DNAH8: variants seen among roughly 807,000 people sequenced by gnomAD.
The protein encoded by DNAH8 is dynein axonemal heavy chain 8.
DNAH8 carries 382 observed loss-of-function variants against 562.1 expected under a neutral mutation model. That is an observed-to-expected ratio of 0.68 (90% CI 0.63 to 0.74). The LOEUF (loss-of-function observed/expected upper bound fraction) is 0.74, where lower values mean the gene tolerates loss of function less well. DNAH8 is among the 30% of genes least tolerant of loss of function. The pLI is 0.00. For missense variants in DNAH8, 5,203 were observed against 5,620.4 expected (o/e 0.93, Z 2.37); for synonymous variants, 1,881 against 1,919.4 (o/e 0.98, Z 0.52).
intron 1 of DNAH8, among the ~76,000 whole-genome samples, chr6:38,718,910 T>C (rs745627104): frequency 5.9e-5 from 9 of 152,254 alleles, no homozygotes; most frequent in Non-Finnish European, 1.3e-4. Context: ...TTTTATAGTT[T>C]ACCTCTTTAC....
At chr6:38,975,090 T>C (rs1014744849) in intron 85 of DNAH8, among the ~76,000 whole-genome samples, 2 of 152,158 alleles carry the variant, frequency 1.3e-5, no homozygotes, top group Non-Finnish European at 2.9e-5. Context: ...GTGGTGATGT[T>C]GGAGGAGGAG....
At chr6:39,013,311 G>C (rs757866268) in intron 91 of DNAH8, among the ~76,000 whole-genome samples, 6 of 152,112 alleles carry the variant, frequency 3.9e-5, no homozygotes, top group Non-Finnish European at 8.8e-5. Flanking sequence ...ATTCCTTATG[G>C]TTCAGCAGCT....
rs34819199 is a variant in DNAH8, at chr6:38,984,470, G to GCACACACA, written c.13053+182_13053+189dup. Reference sequence around the variant, plus strand: ...TGCGCTTACACACACGCACACACATGCACACACACACACACACACACACAC... The same window carrying GCACACACA: ...TGCGCTTACACACACGCACACACATGCACACACACACACACACACACACACACACACAC... On this transcript the variant is annotated intron_variant, in intron 87 of 92. Transcript: ENST00000327475. 1.8e-4 allele frequency: 91 copies of GCACACACA among 507,106 alleles called. 1 individual carries two copies. The East Asian group carries it at 2.4e-3, about 14-fold the overall frequency. 31.4% of individuals were successfully genotyped at this position (507,106 alleles called of 1,614,324 possible). A position where few individuals can be genotyped will look rare whatever the true frequency, so the allele number is the denominator to read the frequency against.
At chr6:38,750,380 A>G (rs2127594918) in intron 8 of DNAH8, 96 bp from the exon 9 acceptor site, 3 of 635,504 alleles carry the variant, frequency 4.7e-6, no homozygotes, top group Non-Finnish European at 7.9e-6. Flanking sequence ...CCATTTTAGT[A>G]TATGTATGAT....
In DNAH8 at chr6:38,898,283, A is replaced by G. The variant is rs760841441; in HGVS notation, c.8966A>G (p.Glu2989Gly). Residue 2989 changes from glutamate to glycine, a missense_variant, in exon 61 of 93, where the codon GAA (glutamate) becomes GGA (glycine). Physicochemically the swap from Glu to Gly is moderately conservative, Grantham distance 98. Around this residue, in one of 6 missense-constraint regions of DNAH8, gnomAD observed 977 missense variants for 1,061.8 expected, o/e 0.92. Coordinates refer to ENST00000327475, the MANE Select transcript of DNAH8 (RefSeq NM_001206927.2). The stretch of plus-strand genomic sequence containing the variant: ...ATGCCATCCTTTGACTTTCTGGCTG[A>G]AAAACTCCAGTTTTACCAGAGACAG... Reference protein sequence around the residue: ...ELMPSFDFLAEKLQFYQRQFN... With the variant: ...ELMPSFDFLAGKLQFYQRQFN... 2 of 1,591,476 alleles carry G rather than the reference A, an allele frequency of 1.3e-6. No homozygotes were observed. Among genetic ancestry groups the G allele is most frequent in the Non-Finnish European group, 1.7e-6 (2 of 1,173,124 alleles).
In DNAH8 at chr6:38,822,963, G is replaced by A; in HGVS notation, c.3649G>A (p.Ala1217Thr). ...SSSVNSLRKAAHEALQDFQKY... is the reference protein window; with the variant it reads ...SSSVNSLRKATHEALQDFQKY... Reference sequence around the variant, plus strand: ...CTCTGTAAATTCCCTAAGAAAGGCAGCTCATGAGGCCCTGCAGGACTTTCA... The same window carrying A: ...CTCTGTAAATTCCCTAAGAAAGGCAACTCATGAGGCCCTGCAGGACTTTCA... The change falls in exon 27 of 93, where the codon GCT becomes ACT. Residue 1217 changes from alanine (A) to threonine (T), a missense_variant. Physicochemically the swap from Ala to Thr is moderately conservative, Grantham distance 58. This residue lies in a region of DNAH8 where 2,176 missense variants were observed against 2,365.1 expected (regional missense o/e 0.92). Coordinates refer to ENST00000327475, the MANE Select transcript of DNAH8 (RefSeq NM_001206927.2). 6.2e-7 allele frequency: 1 copy of A among 1,613,478 alleles called. No homozygotes were observed. Among genetic ancestry groups the A allele is most frequent in the Admixed American group, 1.7e-5 (1 of 59,856 alleles).
chr6:38,966,811 T>C (rs1456816614), intron 82 of DNAH8, among the ~76,000 whole-genome samples: 1 of 152,218 alleles, frequency 6.6e-6, no homozygotes, highest in South Asian at 2.1e-4. Context: ...CTTATAAGCA[T>C]AGAAATTTAT....
intron 3 of DNAH8, among the ~76,000 whole-genome samples, chr6:38,724,450 A>C (rs1361692594): frequency 1.3e-5 from 2 of 152,224 alleles, no homozygotes; most frequent in African/African-American, 4.8e-5. Flanking sequence ...TGAACTACAT[A>C]TGCAAATCAC....
At chr6:38,835,113 C>T (rs968509366) in intron 32 of DNAH8, among the ~76,000 whole-genome samples, 7 of 152,138 alleles carry the variant, frequency 4.6e-5, no homozygotes, top group African/African-American at 7.2e-5. Context: ...TTTCTACACT[C>T]GGATTGCTGA....
rs1037416471 is a variant in DNAH8, at chr6:38,777,265, T to A, written c.1963-1123T>A. Among the ~76,000 whole-genome samples, 5 of 152,208 alleles carry A rather than the reference T, an allele frequency of 3.3e-5. 1 individual carries two copies. In the South Asian group the frequency reaches 1.0e-3, roughly 32 times the overall value. On this transcript the variant is annotated intron_variant, in intron 13 of 92. Transcript: ENST00000327475. ...TTAAATCTTTATGGCAATGGGAATT[T>A]TTGAAAAACTTGTTATCTCTTAAAT...
At chr6:38,867,545 C>G (rs1203946621) in intron 47 of DNAH8, among the ~76,000 whole-genome samples, 2 of 151,092 alleles carry the variant, frequency 1.3e-5, no homozygotes, top group East Asian at 3.9e-4. Flanking sequence ...GAGATCGAGA[C>G]CATCCTGGCT....
At chr6:38,799,083 G>C (rs924817510) in intron 21 of DNAH8, among the ~76,000 whole-genome samples, 4 of 152,160 alleles carry the variant, frequency 2.6e-5, no homozygotes, top group African/African-American at 9.7e-5. Context: ...CACAACGTAG[G>C]GCGTGGCAGA....
At chr6:38,905,426 C>A (rs971563348) in intron 62 of DNAH8, among the ~76,000 whole-genome samples, 2 of 152,186 alleles carry the variant, frequency 1.3e-5, no homozygotes, top group Non-Finnish European at 2.9e-5. Context: ...ATTATTTATA[C>A]CTTATTGCAC....
rs555314972 is a variant in DNAH8 at position 38,872,896 on chromosome 6, T to C, written c.7238-10T>C. 2 of 1,610,092 alleles carry C rather than the reference T, an allele frequency of 1.2e-6. No individual in the cohort carries two copies. The highest frequency in any genetic ancestry group is 4.5e-5 in the East Asian group (2 of 44,810). On this transcript the variant is annotated splice_polypyrimidine_tract_variant and intron_variant, in intron 50 of 92. Transcript: ENST00000327475. ...AGTGAAAAGTGATTTTCTGTTTTAATTATTTTCAGGTGAAAACATTTTCCT... is the reference window on the plus strand; with the variant it reads ...AGTGAAAAGTGATTTTCTGTTTTAACTATTTTCAGGTGAAAACATTTTCCT...
intron 21 of DNAH8, among the ~76,000 whole-genome samples, chr6:38,798,538 A>G (rs1239389317): frequency 6.6e-6 from 1 of 152,180 alleles, no homozygotes; most frequent in Non-Finnish European, 1.5e-5. Flanking sequence ...ATTTGCAGTG[A>G]CATTATTTTG....
At chr6:38,976,337 C>T (rs1763671508) in intron 85 of DNAH8, among the ~76,000 whole-genome samples, 1 of 152,090 alleles carries the variant, frequency 6.6e-6, no homozygotes, top group African/African-American at 2.4e-5. Flanking sequence ...AATTCTGTGA[C>T]AATACAGTGA....
At chr6:38,750,718 T>C in intron 9 of DNAH8, 129 bp downstream of exon 9, 1 of 467,264 alleles carries the variant, frequency 2.1e-6, no homozygotes, top group East Asian at 3.4e-5. Flanking sequence ...TGAGCTATGG[T>C]TGTGCCACTG....
intron 86 of DNAH8, 21 bp from the exon 87 acceptor site, chr6:38,984,185 C>T: frequency 1.4e-6 from 2 of 1,393,810 alleles, no homozygotes; most frequent in Non-Finnish European, 2.0e-6. Flanking sequence ...AATTAATAAT[C>T]CTTTTTTACT....
At position 38,886,981 on chromosome 6, in the gene DNAH8, A is replaced by T; in HGVS notation, c.8450A>T (p.Asn2817Ile). The change falls in exon 57 of 93, where the codon AAT (asparagine) becomes ATT (isoleucine). Residue 2817 changes from asparagine (N) to isoleucine (I), a missense_variant. Asn to Ile is a moderately radical substitution (Grantham distance 149, BLOSUM62 -3). Around this residue, in one of 6 missense-constraint regions of DNAH8, gnomAD observed 977 missense variants for 1,061.8 expected, o/e 0.92. Transcript: ENST00000327475. Reference sequence around the variant, plus strand: ...GTGTTTAATTGTACATTGCCTTCAAATGCTTCAATAGACAAAATTTTTGGT... The same window carrying T: ...GTGTTTAATTGTACATTGCCTTCAATTGCTTCAATAGACAAAATTTTTGGT... ...FTVFNCTLPSNASIDKIFGII... is the reference protein window; with the variant it reads ...FTVFNCTLPSIASIDKIFGII... 5 of 1,612,744 alleles carry T rather than the reference A, an allele frequency of 3.1e-6. No homozygotes were observed. The South Asian group carries it at 5.5e-5, about 18-fold the overall frequency.
Sources: gnomAD v4.1 joint callset for allele counts (sites outside exome capture counted in the v4.1 genomes callset) on GRCh38, gnomAD v4.1.1 for gene constraint, gnomAD v4.1.1 regional missense constraint, MANE v1.5 for transcripts, NCBI Gene and HGNC (gene_info 2026-07-23, HGNC 2026-07-21) for gene names.